CD99: variants seen among roughly 807,000 people sequenced by gnomAD.
CD99 encodes the protein CD99 molecule (Xg blood group), also known as CD99 antigen.
CD99 carries 19 observed loss-of-function variants against 28.4 expected under a neutral mutation model. The ratio of observed to expected loss-of-function variants is 0.67; its 90% confidence interval spans 0.47 to 0.98. The LOEUF (loss-of-function observed/expected upper bound fraction) is 0.98, where lower values mean the gene tolerates loss of function less well. Among genes scored for constraint, CD99 ranks in the 50% least tolerant of loss-of-function variants. The pLI is 0.00. For synonymous variants in CD99, 103 were observed against 92.1 expected (o/e 1.12, Z -0.67); for missense variants, 283 against 248.8 (o/e 1.14, Z -0.92).
intron 1 of CD99, among the ~76,000 whole-genome samples, chrX:2,709,703 GACAC>G (rs111404101): frequency 7.2e-5 from 11 of 152,228 alleles, no homozygotes; most frequent in Admixed American, 2.0e-4. Context: ...CATGAACATA[GACAC>G]ACACATGCAT....
chrX:2,706,085 C>T (rs759554973), intron 1 of CD99, among the ~76,000 whole-genome samples: 6 of 148,726 alleles, frequency 4.0e-5, no homozygotes, highest in Non-Finnish European at 7.4e-5. Context: ...AAGAGCCGGG[C>T]GCGGTGGCTC....
intron 1 of CD99, among the ~76,000 whole-genome samples, chrX:2,706,088 G>A (rs372947216): frequency 1.3e-4 from 19 of 151,686 alleles, no homozygotes; most frequent in African/African-American, 4.1e-4. Flanking sequence ...AGCCGGGCGC[G>A]GTGGCTCACG....
intron 8 of CD99, among the ~76,000 whole-genome samples, chrX:2,737,409 C>T (rs1220475528): frequency 2.9e-5 from 1 of 34,716 alleles, no homozygotes; most frequent in African/African-American, 1.4e-4. Flanking sequence ...ATCTCTTGAC[C>T]TCGTGATCCG....
At chrX:2,702,295 G>A (rs2047896979) in intron 1 of CD99, among the ~76,000 whole-genome samples, 1 of 152,202 alleles carries the variant, frequency 6.6e-6, no homozygotes, top group South Asian at 2.1e-4. Context: ...TGAGGCAGAC[G>A]AGGGGCCCAA....
At chrX:2,739,737 A>G (rs2050111022) in intron 9 of CD99, among the ~76,000 whole-genome samples, 2 of 150,654 alleles carry the variant, frequency 1.3e-5, no homozygotes, top group Non-Finnish European at 3.0e-5. Flanking sequence ...TACAGGCATG[A>G]GCCACCGTGC....
chrX:2,708,501 C>T (rs1167718221), intron 1 of CD99, among the ~76,000 whole-genome samples: 7 of 152,070 alleles, frequency 4.6e-5, no homozygotes, highest in African/African-American at 9.7e-5. Flanking sequence ...GGCCCAAGGT[C>T]GATGATAGAA....
In CD99 at chrX:2,696,872, C is replaced by T. The variant is rs762404627; in HGVS notation, c.67+5445C>T. ...GGAGATGGTGCATGGGTGTGTTTTT[C>T]GGCTTTGTTTTAGTATGACTCAGGG... On this transcript the variant is annotated intron_variant, in intron 1 of 9. Transcript: ENST00000381192. 7.9e-5 allele frequency among the ~76,000 whole-genome samples: 12 copies of T among 152,180 alleles called. No individual in the cohort carries two copies. The South Asian group carries it at 2.1e-3, about 26-fold the overall frequency.
At chrX:2,724,653 CT>C (rs377087284) in intron 7 of CD99, among the ~76,000 whole-genome samples, 159 of 152,092 alleles carry the variant, frequency 1.0e-3, no homozygotes, top group African/African-American at 3.6e-3. Context: ...ACCTGTAATC[CT>C]AGCACTTCGG....
intron 6 of CD99, 185 bp downstream of exon 6, chrX:2,722,859 C>T (rs1048858317): frequency 1.1e-4 from 22 of 195,722 alleles, no homozygotes; most frequent in Non-Finnish European, 1.9e-4. Flanking sequence ...AAGGCTGCCC[C>T]GTAGAGGTTC....
chrX:2,707,854 C>T (rs1376946297), intron 1 of CD99, among the ~76,000 whole-genome samples: 1 of 152,100 alleles, frequency 6.6e-6, no homozygotes, highest in Non-Finnish European at 1.5e-5. Context: ...CCCCGGAGGT[C>T]GTTTTCAGGA....
intron 1 of CD99, chrX:2,692,060 C>T (rs1177313265): frequency 8.1e-6 from 5 of 618,990 alleles, no homozygotes; most frequent in East Asian, 5.5e-5. Context: ...AATTGTCCAT[C>T]TGCGGCGGTG....
Position 2,719,685 on chromosome X carries a change from C to T in CD99, c.173C>T (p.Ala58Val), listed in dbSNP as rs1357040447. The T allele has an allele frequency of 1.2e-6, 2 of 1,613,870 alleles. No individual in the cohort carries two copies. Among genetic ancestry groups the T allele is most frequent in the South Asian group, 2.2e-5 (2 of 91,066 alleles). ...GGGGATGACTTTGACTTAGGAGATG[C>T]TGTTGTTGATGGAGAAAATGGTGAG... Reference protein sequence around the residue: ...SAGDDFDLGDAVVDGENDDPR... With the variant: ...SAGDDFDLGDVVVDGENDDPR... The change falls in exon 4 of 10, where the codon GCT becomes GTT. Residue 58 changes from alanine (A) to valine (V), a missense_variant. Physicochemically the swap from Ala to Val is moderately conservative, Grantham distance 64 (BLOSUM62 0). Coordinates refer to ENST00000381192, the MANE Select transcript of CD99 (RefSeq NM_002414.5).
At chrX:2,714,922 A>ACTCACCAGGAAGGGCATC in intron 2 of CD99, 2 of 155,604 alleles carry the variant, frequency 1.3e-5, no homozygotes. Flanking sequence ...TGCCCTTGTT[A>ACTCACCAGGAAGGGCATC]AGATAAATGA....
intron 8 of CD99, among the ~76,000 whole-genome samples, chrX:2,731,612 A>T (rs312197): frequency 0.57 from 86,136 of 151,802 alleles, 24,565 homozygotes; most frequent in Middle Eastern, 0.63. Context: ...GAAAAGAAAA[A>T]CCATGCCCAG....
At chrX:2,722,544 C>A (rs765711102) in intron 5 of CD99, 83 bp from the exon 6 acceptor site, 1 of 1,241,340 alleles carries the variant, frequency 8.1e-7, no homozygotes, top group African/African-American at 1.5e-5. Flanking sequence ...GGCCGGTTTT[C>A]ATGAGTTTTT....
chrX:2,708,104 C>T (rs2048207447), intron 1 of CD99, among the ~76,000 whole-genome samples: 1 of 144,078 alleles, frequency 6.9e-6, no homozygotes, highest in Admixed American at 6.8e-5. Context: ...CATTTATATA[C>T]ACCTGGGGGA....
chrX:2,691,471 G>C, intron 1 of CD99, 44 bp downstream of exon 1: 2 of 1,550,090 alleles, frequency 1.3e-6, no homozygotes, highest in South Asian at 1.2e-5. Flanking sequence ...CGGAGGGCGC[G>C]GGCCGGGACT....
At chrX:2,714,363 ATAT>A in intron 1 of CD99, 56 bp from the exon 2 acceptor site, 1 of 1,340,710 alleles carries the variant, frequency 7.5e-7, no homozygotes, top group East Asian at 2.3e-5. Flanking sequence ...TATCTCTATA[ATAT>A]TCAAATTTAT....
intron 1 of CD99, among the ~76,000 whole-genome samples, chrX:2,697,044 C>G (rs1345612703): frequency 1.3e-5 from 2 of 152,146 alleles, no homozygotes; most frequent in African/African-American, 4.8e-5. Flanking sequence ...CAGCCACCCA[C>G]CTTGCAAAGA....
Sources: gnomAD v4.1 joint callset for allele counts (sites outside exome capture counted in the v4.1 genomes callset) on GRCh38, gnomAD v4.1.1 for gene constraint, MANE v1.5 for transcripts, NCBI Gene and HGNC (gene_info 2026-07-23, HGNC 2026-07-21) for gene names.